The following IL1RAPL2 variants were observed in gnomAD, a reference collection of about 807,000 sequenced individuals.
IL1RAPL2 encodes the protein interleukin 1 receptor accessory protein like 2, also known as X-linked interleukin-1 receptor accessory protein-like 2.
Under a neutral mutation model 44.1 loss-of-function variants are expected in IL1RAPL2, and 3 were observed. That is an observed-to-expected ratio of 0.07 (90% CI 0.03 to 0.18). The LOEUF is 0.18. IL1RAPL2 is among the 10% of genes least tolerant of loss of function. IL1RAPL2 has a pLI of 1.00. For synonymous variants in IL1RAPL2, 181 were observed against 178.8 expected (o/e 1.01, Z -0.10); for missense variants, 391 against 496.4 (o/e 0.79, Z 2.02).
chrX:104,750,670 A>C (rs982079809), intron 2 of IL1RAPL2, among the ~76,000 whole-genome samples: 2 of 110,925 alleles, frequency 1.8e-5, no homozygotes, highest in Admixed American at 1.9e-4. Flanking sequence ...TAGACTTACA[A>C]ATTTAAGAGT....
intron 2 of IL1RAPL2, among the ~76,000 whole-genome samples, chrX:104,741,698 T>C (rs1035576148): frequency 3.6e-5 from 4 of 110,607 alleles, no homozygotes; most frequent in Non-Finnish European, 7.6e-5. Flanking sequence ...AGAAGAAGTT[T>C]GTTGTTGTTG....
intron 2 of IL1RAPL2, among the ~76,000 whole-genome samples, chrX:104,799,578 A>G (rs1305065183): frequency 8.9e-6 from 1 of 112,191 alleles, no homozygotes; most frequent in East Asian, 2.8e-4. Context: ...CTTCTTAGAA[A>G]CTGGTTTTCT....
chrX:104,747,437 G>A (rs748711431), intron 2 of IL1RAPL2, among the ~76,000 whole-genome samples: 1 of 111,305 alleles, frequency 9.0e-6, no homozygotes, highest in Non-Finnish European at 1.9e-5. Context: ...GGTGCCTCAG[G>A]AAGATACAGG....
At chrX:104,767,433 T>G (rs771796026) in intron 2 of IL1RAPL2, among the ~76,000 whole-genome samples, 1 of 111,911 alleles carries the variant, frequency 8.9e-6, no homozygotes, top group Non-Finnish European at 1.9e-5. Flanking sequence ...AAACAGGGGT[T>G]TCTAATGAAA....
chrX:104,948,584 T>TA (rs1288739472), intron 2 of IL1RAPL2, among the ~76,000 whole-genome samples: 1 of 110,023 alleles, frequency 9.1e-6, no homozygotes, highest in African/African-American at 3.3e-5. Context: ...TATTTTGAAA[T>TA]ACGTCCCATC....
At chrX:104,915,901 G>A (rs1249693816) in intron 2 of IL1RAPL2, among the ~76,000 whole-genome samples, 1 of 111,479 alleles carries the variant, frequency 9.0e-6, no homozygotes, top group Non-Finnish European at 1.9e-5. Context: ...TTATTTCTGA[G>A]GGCTCTGTTC....
At chrX:105,149,516 T>C (rs952728254) in intron 2 of IL1RAPL2, among the ~76,000 whole-genome samples, 2 of 111,485 alleles carry the variant, frequency 1.8e-5, no homozygotes, top group Non-Finnish European at 3.8e-5. Context: ...AATGAGAACA[T>C]GTATATTAAG....
At chrX:105,122,480 G>C (rs1348003618) in intron 2 of IL1RAPL2, among the ~76,000 whole-genome samples, 1 of 111,297 alleles carries the variant, frequency 9.0e-6, no homozygotes, top group Non-Finnish European at 1.9e-5. Flanking sequence ...AGTATCCATA[G>C]AGTGACCAAG....
At chrX:104,845,755 A>T (rs1922031923) in intron 2 of IL1RAPL2, among the ~76,000 whole-genome samples, 1 of 111,878 alleles carries the variant, frequency 8.9e-6, no homozygotes, top group Non-Finnish European at 1.9e-5. Context: ...CTCCATTTTG[A>T]TTATGACAAT....
intron 6 of IL1RAPL2, among the ~76,000 whole-genome samples, chrX:105,605,783 G>A (rs1266849205): frequency 1.9e-5 from 2 of 107,387 alleles, no homozygotes; most frequent in African/African-American, 3.4e-5. Flanking sequence ...GGAGAACTTA[G>A]AAGCAAATCC....
intron 6 of IL1RAPL2, among the ~76,000 whole-genome samples, chrX:105,528,571 T>C (rs761419527): frequency 3.2e-4 from 36 of 111,881 alleles, no homozygotes; most frequent in African/African-American, 1.0e-3. Flanking sequence ...TGAACACTTA[T>C]ATGCCTTTTA....
At chrX:105,037,127 A>G (rs2031643699) in intron 2 of IL1RAPL2, among the ~76,000 whole-genome samples, 2 of 111,713 alleles carry the variant, frequency 1.8e-5, no homozygotes, top group African/African-American at 6.5e-5. Context: ...TAAGAGGATC[A>G]AATAAAAGTG....
intron 2 of IL1RAPL2, among the ~76,000 whole-genome samples, chrX:105,117,437 G>C (rs1335588619): frequency 8.9e-6 from 1 of 111,893 alleles, no homozygotes; most frequent in Non-Finnish European, 1.9e-5. Context: ...CTTTCCCAGA[G>C]TTGACACAGA....
At chrX:105,563,514 T>G (rs989716572) in intron 6 of IL1RAPL2, among the ~76,000 whole-genome samples, 12 of 111,843 alleles carry the variant, frequency 1.1e-4, no homozygotes, top group African/African-American at 3.6e-4. Context: ...ATGACTAATA[T>G]TCAAGTACTT....
At chrX:104,867,919 A>G (rs1283164760) in intron 2 of IL1RAPL2, among the ~76,000 whole-genome samples, 1 of 111,988 alleles carries the variant, frequency 8.9e-6, no homozygotes, top group African/African-American at 3.2e-5. Flanking sequence ...AAATTTGTGG[A>G]GAGGAATGTT....
intron 4 of IL1RAPL2, among the ~76,000 whole-genome samples, chrX:105,247,115 A>T (rs762426810): frequency 9.0e-6 from 1 of 111,291 alleles, no homozygotes; most frequent in Non-Finnish European, 1.9e-5. Context: ...AATGCAAGGG[A>T]TATGTGGGAG....
At chrX:104,752,037 A>G (rs1333169146) in intron 2 of IL1RAPL2, among the ~76,000 whole-genome samples, 3 of 111,217 alleles carry the variant, frequency 2.7e-5, no homozygotes, top group Admixed American at 9.6e-5. Flanking sequence ...CCAAATAACC[A>G]TTCTTCCTTA....
chrX:105,555,586 A>G (rs146134799), intron 6 of IL1RAPL2, among the ~76,000 whole-genome samples: 88 of 111,838 alleles, frequency 7.9e-4, no homozygotes, highest in African/African-American at 2.4e-3. Context: ...TAGGATAAAA[A>G]TCTAGTTTCT....
At chrX:105,447,108 A>T (rs1200320710) in intron 5 of IL1RAPL2, among the ~76,000 whole-genome samples, 1,623 of 20,460 alleles carry the variant, frequency 0.079, 260 homozygotes, top group African/African-American at 0.35. Flanking sequence ...TATATATATA[A>T]AAATATATAT....
Sources: gnomAD v4.1 joint callset for allele counts (sites outside exome capture counted in the v4.1 genomes callset) on GRCh38, gnomAD v4.1.1 for gene constraint, MANE v1.5 for transcripts, NCBI Gene and HGNC (gene_info 2026-07-23, HGNC 2026-07-21) for gene names.